The following QKI variants were observed in gnomAD, a reference collection of about 807,000 sequenced individuals.
QKI encodes the protein QKI, KH domain containing RNA binding, also known as KH domain-containing RNA-binding protein QKI.
QKI carries 10 observed loss-of-function variants against 39.0 expected under a neutral mutation model. That is an observed-to-expected ratio of 0.26 (90% CI 0.16 to 0.43). The LOEUF (loss-of-function observed/expected upper bound fraction) is 0.43, where lower values mean the gene tolerates loss of function less well. Among genes scored for constraint, QKI ranks in the 20% least tolerant of loss-of-function variants. QKI has a pLI of 1.00. For synonymous variants in QKI, 204 were observed against 155.4 expected (o/e 1.31, Z -2.33); for missense variants, 218 against 428.0 (o/e 0.51, Z 4.33).
intron 4 of QKI, among the ~76,000 whole-genome samples, chr6:163,557,334 G>C (rs910171127): frequency 6.6e-6 from 1 of 152,146 alleles, no homozygotes; most frequent in African/African-American, 2.4e-5. Context: ...TGTCTTCAAT[G>C]GAGTACTATT....
intron 7 of QKI, chr6:163,569,517 A>G (rs1282032835): frequency 1.6e-6 from 2 of 1,257,814 alleles, no homozygotes; most frequent in Non-Finnish European, 2.1e-6. Context: ...TGAGTCTTAA[A>G]AATTATACTA....
chr6:163,569,613 CTT>C, intron 7 of QKI: 4 of 1,011,868 alleles, frequency 4.0e-6, no homozygotes, highest in South Asian at 7.5e-5. Flanking sequence ...GGAATGATAA[CTT>C]TTCCACTTGA....
chr6:163,499,140 T>G (rs1352959055), intron 3 of QKI, among the ~76,000 whole-genome samples: 1 of 152,208 alleles, frequency 6.6e-6, no homozygotes, highest in Admixed American at 6.5e-5. Flanking sequence ...GCGTTTTGTT[T>G]TTTTGGATTA....
chr6:163,430,316 C>T (rs2128210695), intron 1 of QKI, among the ~76,000 whole-genome samples: 1 of 152,096 alleles, frequency 6.6e-6, no homozygotes, highest in Non-Finnish European at 1.5e-5. Context: ...CCTTCTCTTC[C>T]CTTCATTTTC....
chr6:163,554,745 G>C (rs1043342638), intron 4 of QKI, among the ~76,000 whole-genome samples: 7 of 152,184 alleles, frequency 4.6e-5, no homozygotes, highest in Non-Finnish European at 7.3e-5. Flanking sequence ...GTGTCCAACT[G>C]ATCATCATGC....
intron 4 of QKI, among the ~76,000 whole-genome samples, chr6:163,560,981 T>C (rs1245477462): frequency 6.6e-6 from 1 of 152,220 alleles, no homozygotes; most frequent in Non-Finnish European, 1.5e-5. Context: ...GCATGGTTAT[T>C]ATTAGTGCCC....
chr6:163,457,236 G>T (rs1790987970), intron 2 of QKI: 1 of 441,832 alleles, frequency 2.3e-6, no homozygotes, highest in East Asian at 7.0e-5. Flanking sequence ...AATCTGTCTG[G>T]TTCCATCTCT....
chr6:163,495,126 G>A (rs745465868), intron 3 of QKI, among the ~76,000 whole-genome samples: 49 of 152,080 alleles, frequency 3.2e-4, no homozygotes, highest in African/African-American at 5.6e-4. Flanking sequence ...AGTTGGCCAC[G>A]CTGGTCTCGA....
At position 163,572,964 on chromosome 6, in the gene QKI, A is replaced by G. The variant is rs1174112702; in HGVS notation, c.*2254A>G. The G allele has an allele frequency of 6.6e-6, 1 of 152,156 alleles. No individual in the cohort carries two copies. Among genetic ancestry groups the G allele is most frequent in the Non-Finnish European group, 1.5e-5 (1 of 68,036 alleles). The allele number at this position is 152,156 out of a possible 1,614,324, so 9.4% of individuals were successfully genotyped here. On this transcript the variant is annotated 3_prime_UTR_variant, in exon 8 of 8. Coordinates refer to ENST00000361752, the MANE Select transcript of QKI (RefSeq NM_006775.3). ...ATTTTTATATTGTTTGGTTGGTTGAATAAATTTGCGACACTCAAACACTTG... is the reference window on the plus strand; with the variant it reads ...ATTTTTATATTGTTTGGTTGGTTGAGTAAATTTGCGACACTCAAACACTTG...
chr6:163,488,969 ATTTCTT>A (rs1489791172), intron 3 of QKI, among the ~76,000 whole-genome samples: 68 of 86,432 alleles, frequency 7.9e-4, no homozygotes, highest in Non-Finnish European at 9.8e-4. Flanking sequence ...TTATCCTTCC[ATTTCTT>A]TTTTTTTTTT....
chr6:163,415,945 T>C (rs1374565513), intron 1 of QKI: 2 of 508,500 alleles, frequency 3.9e-6, no homozygotes, highest in Non-Finnish European at 7.8e-6. Flanking sequence ...AGACCGAAAT[T>C]ATGCTGGCGT....
chr6:163,423,486 C>G (rs907460654), intron 1 of QKI: 1 of 152,140 alleles, frequency 6.6e-6, no homozygotes, highest in Non-Finnish European at 1.5e-5. Context: ...TCACTTCTGC[C>G]CTCTGTTCCA....
At chr6:163,509,945 G>A (rs1056696914) in intron 3 of QKI, among the ~76,000 whole-genome samples, 1 of 152,076 alleles carries the variant, frequency 6.6e-6, no homozygotes, top group Admixed American at 6.5e-5. Context: ...TGGCTGTGGT[G>A]GCTCAGGCCT....
At chr6:163,476,139 T>TA (rs1269642370) in intron 2 of QKI, among the ~76,000 whole-genome samples, 1 of 152,188 alleles carries the variant, frequency 6.6e-6, no homozygotes, top group African/African-American at 2.4e-5. Context: ...ATTTAATACA[T>TA]ACACTAGAAT....
intron 4 of QKI, among the ~76,000 whole-genome samples, chr6:163,558,998 C>G (rs2128249143): frequency 6.6e-6 from 1 of 152,342 alleles, no homozygotes; most frequent in African/African-American, 2.4e-5. Flanking sequence ...CTCCTGTTTT[C>G]ATTATCCTGC....
chr6:163,465,626 CAAAA>C (rs35130458), intron 2 of QKI, among the ~76,000 whole-genome samples: 2 of 95,768 alleles, frequency 2.1e-5, no homozygotes, highest in Non-Finnish European at 4.5e-5. Flanking sequence ...AAGACTGTCT[CAAAA>C]AAAAAAAAAA....
chr6:163,551,063 T>A (rs1782207719), intron 4 of QKI, among the ~76,000 whole-genome samples: 1 of 152,188 alleles, frequency 6.6e-6, no homozygotes. Flanking sequence ...TTCCATTTCT[T>A]ATGAAAACTA....
At chr6:163,519,524 G>C (rs963363308) in intron 3 of QKI, among the ~76,000 whole-genome samples, 1 of 151,560 alleles carries the variant, frequency 6.6e-6, no homozygotes, top group Non-Finnish European at 1.5e-5. Flanking sequence ...ATTGAAGGAC[G>C]TAAGACAAGT....
chr6:163,472,947 T>TA (rs1792315350), intron 2 of QKI, among the ~76,000 whole-genome samples: 1 of 151,694 alleles, frequency 6.6e-6, no homozygotes, highest in African/African-American at 2.4e-5. Context: ...AACAGCAGAT[T>TA]AAACGAAGGA....
Sources: gnomAD v4.1 joint callset for allele counts (sites outside exome capture counted in the v4.1 genomes callset) on GRCh38, gnomAD v4.1.1 for gene constraint, MANE v1.5 for transcripts, NCBI Gene and HGNC (gene_info 2026-07-23, HGNC 2026-07-21) for gene names.